Variants in MLLT10 observed in about 807,000 individuals in gnomAD.
The protein encoded by MLLT10 is protein AF-10.
Under a neutral mutation model 129.1 loss-of-function variants are expected in MLLT10, and 30 were observed. The ratio of observed to expected loss-of-function variants is 0.23; its 90% CI spans 0.17 to 0.32. The LOEUF (loss-of-function observed/expected upper bound fraction) is 0.32. Among genes scored for constraint, MLLT10 ranks in the 10% least tolerant of loss-of-function variants. The probability of loss-of-function intolerance (pLI) is 1.00; values close to 1 mark genes in which losing one functional copy is unlikely to be tolerated. For synonymous variants in MLLT10, 490 were observed against 446.4 expected (o/e 1.10, Z -1.23); for missense variants, 1,119 against 1,268.3 (o/e 0.88, Z 1.79).
chr10:21,729,820 G>A (rs951743626), intron 16 of MLLT10, among the ~76,000 whole-genome samples: 2 of 152,166 alleles, frequency 1.3e-5, no homozygotes, highest in African/African-American at 4.8e-5. Flanking sequence ...AATGATAGCT[G>A]GAGACCGGAA....
chr10:21,556,919 C>T (rs758813155), intron 3 of MLLT10: 9 of 1,549,918 alleles, frequency 5.8e-6, no homozygotes, highest in South Asian at 3.6e-5. Flanking sequence ...TGTCATTTGG[C>T]GTTTCAAGAA....
At chr10:21,673,990 T>A in intron 11 of MLLT10, 71 bp downstream of exon 11, 1 of 1,195,054 alleles carries the variant, frequency 8.4e-7, no homozygotes, top group South Asian at 1.8e-5. Context: ...CAAAACGTTT[T>A]CAACTGTTGT....
chr10:21,693,200 A>G (rs1049840844), intron 13 of MLLT10, among the ~76,000 whole-genome samples: 2 of 152,202 alleles, frequency 1.3e-5, no homozygotes, highest in Non-Finnish European at 2.9e-5. Flanking sequence ...GTAAAAATTC[A>G]TATCATTCAT....
chr10:21,632,181 G>A (rs2047072560), intron 8 of MLLT10, among the ~76,000 whole-genome samples: 1 of 152,150 alleles, frequency 6.6e-6, no homozygotes, highest in Non-Finnish European at 1.5e-5. Context: ...AGATGTTGAA[G>A]ACAAACAGTA....
At chr10:21,558,664 G>T (rs2130988170) in intron 3 of MLLT10, among the ~76,000 whole-genome samples, 1 of 152,064 alleles carries the variant, frequency 6.6e-6, no homozygotes, top group Non-Finnish European at 1.5e-5. Context: ...GGGATTACAG[G>T]CATGAGTCAT....
chr10:21,565,201 TTTAA>T (rs2039395825), intron 3 of MLLT10, among the ~76,000 whole-genome samples: 1 of 152,236 alleles, frequency 6.6e-6, no homozygotes, highest in Non-Finnish European at 1.5e-5. Flanking sequence ...CCAGCTTTTC[TTTAA>T]TTAATGTTTG....
At chr10:21,700,838 C>G (rs570288920) in intron 13 of MLLT10, among the ~76,000 whole-genome samples, 2 of 152,086 alleles carry the variant, frequency 1.3e-5, no homozygotes, top group South Asian at 4.2e-4. Flanking sequence ...CTGGTCAGGG[C>G]CTTGTAGAAT....
chr10:21,556,707 A>G (rs1371355240), intron 3 of MLLT10: 1 of 1,612,412 alleles, frequency 6.2e-7, no homozygotes, highest in African/African-American at 1.3e-5. Context: ...ATAGAACATC[A>G]CTGCGCATGT....
At chr10:21,569,839 G>C (rs1301357331) in intron 3 of MLLT10, among the ~76,000 whole-genome samples, 5 of 152,066 alleles carry the variant, frequency 3.3e-5, no homozygotes, top group Non-Finnish European at 7.4e-5. Context: ...ACCTCCTCCT[G>C]CCTTAGCCTT....
intron 3 of MLLT10, among the ~76,000 whole-genome samples, chr10:21,564,010 C>G (rs1047098006): frequency 3.3e-5 from 5 of 152,100 alleles, no homozygotes; most frequent in Non-Finnish European, 5.9e-5. Context: ...GACGGGGTTT[C>G]ACCGTCTTAG....
At chr10:21,707,123 C>T (rs1328878592) in intron 13 of MLLT10, among the ~76,000 whole-genome samples, 1 of 151,816 alleles carries the variant, frequency 6.6e-6, no homozygotes, top group Non-Finnish European at 1.5e-5. Flanking sequence ...AATCACTAGC[C>T]AGAAACCCAT....
chr10:21,590,400 C>A (rs565396848), intron 4 of MLLT10, among the ~76,000 whole-genome samples: 1 of 151,170 alleles, frequency 6.6e-6, no homozygotes, highest in African/African-American at 2.4e-5. Flanking sequence ...AATGCAGTGG[C>A]GTGATGTCGG....
At chr10:21,560,595 C>G (rs1014727313) in intron 3 of MLLT10, among the ~76,000 whole-genome samples, 1 of 151,990 alleles carries the variant, frequency 6.6e-6, no homozygotes, top group Admixed American at 6.6e-5. Context: ...ACTACCACCA[C>G]CACCACCACC....
At chr10:21,654,240 G>A (rs2049333042) in intron 9 of MLLT10, among the ~76,000 whole-genome samples, 1 of 152,114 alleles carries the variant, frequency 6.6e-6, no homozygotes, top group African/African-American at 2.4e-5. Flanking sequence ...GCTATGAAGA[G>A]GAGCAGAAGA....
chr10:21,538,700 A>G (rs190175509), intron 2 of MLLT10, 133 bp from the exon 3 acceptor site: 3 of 588,564 alleles, frequency 5.1e-6, no homozygotes, highest in African/African-American at 3.7e-5. Flanking sequence ...TAGGATGTGA[A>G]CTGTTTTACT....
Position 21,619,913 on chromosome 10 carries a change from G to GT in MLLT10, c.699+2715dup, listed in dbSNP as rs551738726. Among the ~76,000 whole-genome samples the GT allele has an allele frequency of 4.1e-4, 61 of 148,958 alleles. No individual in the cohort carries two copies. In the South Asian group the frequency reaches 0.012, roughly 29 times the overall value. ...CTCCTTCCCTCCTTACCTCTTTTAA[G>GT]TTTTTTTTTCTTTTTCTTTTCTTTT... is the stretch of plus-strand genomic sequence containing the variant. On this transcript the variant is annotated intron_variant, in intron 8 of 22. Transcript: ENST00000307729.
chr10:21,582,066 G>C (rs1019282668), intron 3 of MLLT10, among the ~76,000 whole-genome samples: 2 of 151,942 alleles, frequency 1.3e-5, no homozygotes, highest in African/African-American at 4.8e-5. Context: ...ACTGCATTTT[G>C]AGAGAGACCA....
intron 8 of MLLT10, chr10:21,625,843 T>G (rs2046377211): frequency 1.3e-6 from 1 of 776,118 alleles, no homozygotes; most frequent in Admixed American, 1.7e-5. Flanking sequence ...GACCAGACAG[T>G]GGATCTATGA....
intron 3 of MLLT10, among the ~76,000 whole-genome samples, chr10:21,583,345 TCTTAGGC>T (rs2041665012): frequency 6.6e-6 from 1 of 152,074 alleles, no homozygotes; most frequent in Non-Finnish European, 1.5e-5. Context: ...TAAGATGACA[TCTTAGGC>T]CAGAGCCCTG....
Sources: gnomAD v4.1 joint callset for allele counts (sites outside exome capture counted in the v4.1 genomes callset) on GRCh38, gnomAD v4.1.1 for gene constraint, MANE v1.5 for transcripts, NCBI Gene and HGNC (gene_info 2026-07-23, HGNC 2026-07-21) for gene names.